The following RCVRN variants were observed in gnomAD, a reference collection of about 807,000 sequenced individuals.
RCVRN encodes the protein recoverin.
In RCVRN, 23 loss-of-function variants were observed where a neutral mutation model predicts 20.4. The ratio of observed to expected loss-of-function variants is 1.13; its 90% CI spans 0.81 to 1.60. RCVRN has a LOEUF of 1.60. Ranked by LOEUF, RCVRN falls within the 40% of genes most tolerant of loss-of-function variation. The pLI is 0.00. For missense variants in RCVRN, 254 were observed against 254.2 expected (o/e 1.00, Z 0.00); for synonymous variants, 105 against 105.9 (o/e 0.99, Z 0.05).
chr17:9,902,802 A>G (rs980938941), intron 1 of RCVRN, among the ~76,000 whole-genome samples: 3 of 152,338 alleles, frequency 2.0e-5, no homozygotes, highest in East Asian at 1.9e-4. Context: ...GTTCGAGACC[A>G]GCCTGGCCAA....
At position 9,904,994 on chromosome 17, in the gene RCVRN, T is replaced by C; in HGVS notation, c.187A>G (p.Lys63Glu). 5 of 1,614,016 alleles carry C rather than the reference T, an allele frequency of 3.1e-6. No individual in the cohort carries two copies. Among genetic ancestry groups the C allele is most frequent in the Non-Finnish European group, 4.2e-6 (5 of 1,180,016 alleles). ...YAKFFPDTDP[K>E]AYAQHVFRSF... ...CGGAACACATGCTGGGCGTAGGCCT[T>C]GGGGTCGGTGTCGGGGAAGAACTTG... The change falls in exon 1 of 3, where the codon AAG becomes GAG. Residue 63 changes from lysine (K) to glutamate (E), a missense_variant. Transcript: ENST00000226193. The surrounding 1 kb of genome is among the most constrained non-coding windows in gnomAD (Gnocchi z 5.8).
intron 1 of RCVRN, among the ~76,000 whole-genome samples, chr17:9,903,883 G>T (rs1352753519): frequency 6.6e-6 from 1 of 152,182 alleles, no homozygotes; most frequent in Non-Finnish European, 1.5e-5. Context: ...TCACACGATG[G>T]TAAGTATTTG....
chr17:9,904,651 C>T lies in RCVRN; in HGVS notation c.381+149G>A. ...GTGCCCACCCCTCTATCAATATCAG[C>T]ATCTCGGAGCACCACGCTCTCAGAG... On this transcript the variant is annotated intron_variant, in intron 1 of 2. Coordinates refer to ENST00000226193, the MANE Select transcript of RCVRN (RefSeq NM_002903.3). The surrounding 1 kb of genome is among the most constrained non-coding windows in gnomAD (Gnocchi z 5.8). 1.2e-6 allele frequency: 1 copy of T among 859,610 alleles called. No individual in the cohort carries two copies. Among genetic ancestry groups the T allele is most frequent in the Non-Finnish European group, 1.8e-6 (1 of 557,052 alleles). The allele number at this position is 859,610 out of a possible 1,614,324, so 53.2% of individuals were successfully genotyped here.
At position 9,904,355 on chromosome 17, in the gene RCVRN, A is replaced by T. The variant is rs1266284441; in HGVS notation, c.381+445T>A. On this transcript the variant is annotated intron_variant, in intron 1 of 2. Coordinates refer to ENST00000226193, the MANE Select transcript of RCVRN (RefSeq NM_002903.3). This position sits in a 1 kb window ranked among gnomAD's most constrained non-coding sequence, Gnocchi z 5.8. ...GCTCTGGGTGAGTCAGTGAGTGAGT[A>T]GTGAGTGAATGTGAAGAACTAGGAC... Among the ~76,000 whole-genome samples the T allele has an allele frequency of 6.6e-6, 1 of 152,236 alleles. No homozygotes were observed. Among genetic ancestry groups the T allele is most frequent in the African/African-American group, 2.4e-5 (1 of 41,462 alleles).
rs2067353391 is a variant in RCVRN at position 9,904,263 on chromosome 17, C to T, written c.381+537G>A. The stretch of plus-strand genomic sequence containing the variant: ...TCTCAAAAAAATAAAAAATAAAAAA[C>T]CAAGATACAAAATGGTAGACCTGTC... On this transcript the variant is annotated intron_variant, in intron 1 of 2. Transcript: ENST00000226193. This position sits in a 1 kb window ranked among gnomAD's most constrained non-coding sequence, Gnocchi z 5.8. 6.6e-6 allele frequency among the ~76,000 whole-genome samples: 1 copy of T among 152,034 alleles called. No homozygotes were observed. Among genetic ancestry groups the T allele is most frequent in the East Asian group, 1.9e-4 (1 of 5,188 alleles).
In RCVRN at chr17:9,899,017, G is replaced by A. The variant is rs2067330663; in HGVS notation, c.494-813C>T. ...TGTGCTTGGAGCCAAGGCCACCACA[G>A]GGAGCGGAGGCGGGGTGTACAATAG... On this transcript the variant is annotated intron_variant, in intron 2 of 2. Coordinates refer to ENST00000226193, the MANE Select transcript of RCVRN (RefSeq NM_002903.3). The surrounding 1 kb of genome is among the most constrained non-coding windows in gnomAD (Gnocchi z 4.6). Among the ~76,000 whole-genome samples, 1 of 152,174 alleles carries A rather than the reference G, an allele frequency of 6.6e-6. No individual in the cohort carries two copies.
Position 9,904,828 on chromosome 17 carries a change from C to T in RCVRN, c.353G>A (p.Ser118Asn). 6.8e-6 allele frequency: 11 copies of T among 1,614,144 alleles called. No individual in the cohort carries two copies. Among genetic ancestry groups the T allele is most frequent in the Non-Finnish European group, 9.3e-6 (11 of 1,180,004 alleles). Residue 118 changes from serine (S) to asparagine (N), a missense_variant, in exon 1 of 3, where the codon AGC becomes AAC. Transcript: ENST00000226193. The surrounding 1 kb of genome is among the most constrained non-coding windows in gnomAD (Gnocchi z 5.8). ...GACGATCTCCAGCACTTCATTCTTG[C>T]TGATGGTCCCGTTACCGTCCACGTC... is the stretch of plus-strand genomic sequence containing the variant. ...LYDVDGNGTI[S>N]KNEVLEIVMA... is the part of the protein sequence containing the mutation.
At position 9,897,997 on chromosome 17, in the gene RCVRN, TGTGCGCGCGC is replaced by T. The variant is rs2067325269; in HGVS notation, c.*88_*97del. 1.1e-5 allele frequency: 8 copies of T among 760,036 alleles called. No homozygotes were observed. Among genetic ancestry groups the T allele is most frequent in the Admixed American group, 1.8e-5 (1 of 54,968 alleles). 47.1% of individuals were successfully genotyped at this position (760,036 alleles called of 1,614,324 possible). A position where few individuals can be genotyped will look rare whatever the true frequency, so the allele number is the denominator to read the frequency against. ...CCTGGGGTGGATGTGTGTGTGTGTGTGTGCGCGCGCGTGTGTGTGCATGTGTGTGTGTGTG... is the reference window on the plus strand; with the variant it reads ...CCTGGGGTGGATGTGTGTGTGTGTGTGTGTGTGTGCATGTGTGTGTGTGTG... On this transcript the variant is annotated 3_prime_UTR_variant, in exon 3 of 3. Transcript: ENST00000226193.
rs1373949052 is a variant in RCVRN, at chr17:9,904,968, G to A, written c.213C>T (p.Arg71=). 3.7e-6 allele frequency: 6 copies of A among 1,614,092 alleles called. No homozygotes were observed. Among genetic ancestry groups the A allele is most frequent in the Non-Finnish European group, 5.1e-6 (6 of 1,180,052 alleles). ...TGCCGTCGAGGTTGGAATCGAAGCT[G>A]CGGAACACATGCTGGGCGTAGGCCT... ...DPKAYAQHVF[R]SFDSNLDGTL... Residue 71 remains arginine, a synonymous_variant, in exon 1 of 3, where the codon CGC becomes CGT. Transcript: ENST00000226193. The surrounding 1 kb of genome is among the most constrained non-coding windows in gnomAD (Gnocchi z 5.8).
Position 9,897,081 on chromosome 17 carries a change from TCTGA to T in RCVRN, c.*1010_*1013del, listed in dbSNP as rs2067320274. The T allele has an allele frequency of 6.6e-6, 1 of 152,200 alleles. No individual in the cohort carries two copies. The highest frequency in any genetic ancestry group is 1.5e-5 in the Non-Finnish European group (1 of 68,132). The allele number at this position is 152,200 out of a possible 1,614,324, so 9.4% of individuals were successfully genotyped here. ...TCCAGGGAGCCCCCAGTTGCTCCTC[TCTGA>T]CTTATTTTAGCCTGCTGGGGACTTC... On this transcript the variant is annotated 3_prime_UTR_variant, in exon 3 of 3. Transcript: ENST00000226193.
chr17:9,903,707 G>A (rs543229128), intron 1 of RCVRN, among the ~76,000 whole-genome samples: 164 of 152,256 alleles, frequency 1.1e-3, no homozygotes, highest in African/African-American at 3.6e-3. Flanking sequence ...AATACATTCC[G>A]AGAAACACAT....
At chr17:9,900,619 A>G (rs956558182) in intron 2 of RCVRN, among the ~76,000 whole-genome samples, 2 of 150,904 alleles carry the variant, frequency 1.3e-5, no homozygotes, top group Non-Finnish European at 2.9e-5. Context: ...CTTTCCTCCC[A>G]TAAATCTCTT....
At position 9,897,784 on chromosome 17, in the gene RCVRN, A is replaced by G; in HGVS notation, c.*311T>C. On this transcript the variant is annotated 3_prime_UTR_variant, in exon 3 of 3. Coordinates refer to ENST00000226193, the MANE Select transcript of RCVRN (RefSeq NM_002903.3). Reference sequence around the variant, plus strand: ...AGGAGCTTACAGCGGGGTGACACTTAGGACTCCTATGGCCTAATCCTGGGA... The same window carrying G: ...AGGAGCTTACAGCGGGGTGACACTTGGGACTCCTATGGCCTAATCCTGGGA... The G allele has an allele frequency of 3.7e-6, 1 of 271,310 alleles. No individual in the cohort carries two copies. Among genetic ancestry groups the G allele is most frequent in the Admixed American group, 5.0e-5 (1 of 19,894 alleles). The allele number at this position is 271,310 out of a possible 1,614,324, so 16.8% of individuals were successfully genotyped here.
In RCVRN at chr17:9,905,064, A is replaced by G; in HGVS notation, c.117T>C (p.Cys39=). 1 of 1,611,940 alleles carries G rather than the reference A, an allele frequency of 6.2e-7. No individual in the cohort carries two copies. The highest frequency in any genetic ancestry group is 8.5e-7 in the Non-Finnish European group (1 of 1,179,024). The change falls in exon 1 of 3, where the codon TGT becomes TGC. Residue 39 remains cysteine, a synonymous_variant. Transcript: ENST00000226193. ...GCTGCTGGGTGATGCGGCCGGTGGG[A>G]CAGTCCTTCAGGAAGGACTGGTACC... ...CSWYQSFLKD[C]PTGRITQQQF... is the part of the protein sequence containing the mutation.
rs557292402 is a variant in RCVRN at position 9,905,208 on chromosome 17, G to A, written c.-28C>T. On this transcript the variant is annotated 5_prime_UTR_variant, in exon 1 of 3. Coordinates refer to ENST00000226193, the MANE Select transcript of RCVRN (RefSeq NM_002903.3). Reference sequence around the variant, plus strand: ...GTGAGGAAGAGTGGGCAGCGGCTGGGGAGTCGCTGGGTGGGTGGGACGTGC... The same window carrying A: ...GTGAGGAAGAGTGGGCAGCGGCTGGAGAGTCGCTGGGTGGGTGGGACGTGC... 1.5e-4 allele frequency: 238 copies of A among 1,574,434 alleles called. 1 individual carries two copies. In the South Asian group the frequency reaches 2.7e-3, roughly 18 times the overall value.
intron 1 of RCVRN, among the ~76,000 whole-genome samples, chr17:9,903,632 G>C (rs8082668): frequency 0.51 from 77,335 of 152,142 alleles, 19,771 homozygotes; most frequent in East Asian, 0.55. Flanking sequence ...AATAAAGGAA[G>C]GAAGAAACAA....
rs991644512 is a variant in RCVRN, at chr17:9,899,657, G to A, written c.493+1332C>T. On this transcript the variant is annotated intron_variant, in intron 2 of 2. Transcript: ENST00000226193. The surrounding 1 kb of genome is among the most constrained non-coding windows in gnomAD (Gnocchi z 4.6). ...GGAGGAGAGAGTGCTCAAAGGTGAG[G>A]GGCCAATCCGGGCCGATGAGGGAAA... Among the ~76,000 whole-genome samples, 8 of 152,290 alleles carry A rather than the reference G, an allele frequency of 5.3e-5. No individual in the cohort carries two copies. The highest frequency in any genetic ancestry group is 4.6e-4 in the Admixed American group (7 of 15,294).
intron 2 of RCVRN, among the ~76,000 whole-genome samples, chr17:9,900,718 T>A (rs1242177466): frequency 6.6e-6 from 1 of 152,020 alleles, no homozygotes; most frequent in African/African-American, 2.4e-5. Context: ...GAAATACAGA[T>A]CCCACTGACT....
At position 9,904,343 on chromosome 17, in the gene RCVRN, CAGTG is replaced by C. The variant is rs1208586785; in HGVS notation, c.381+453_381+456del. On this transcript the variant is annotated intron_variant, in intron 1 of 2. Transcript: ENST00000226193. This position sits in a 1 kb window ranked among gnomAD's most constrained non-coding sequence, Gnocchi z 5.8. ...GGACTGGGAGTTGCTCTGGGTGAGT[CAGTG>C]AGTGAGTAGTGAGTGAATGTGAAGA... 3.9e-5 allele frequency among the ~76,000 whole-genome samples: 6 copies of C among 152,174 alleles called. No homozygotes were observed. Among genetic ancestry groups the C allele is most frequent in the Non-Finnish European group, 7.4e-5 (5 of 68,026 alleles).
Sources: gnomAD v4.1 joint callset for allele counts (sites outside exome capture counted in the v4.1 genomes callset) on GRCh38, gnomAD v4.1.1 for gene constraint, Gnocchi (gnomAD v3.1) non-coding constraint, MANE v1.5 for transcripts, NCBI Gene and HGNC (gene_info 2026-07-23, HGNC 2026-07-21) for gene names.